The following CELF2 variants were observed in gnomAD, a reference collection of about 807,000 sequenced individuals.
CELF2 encodes CUG triplet repeat RNA-binding protein 2.
CELF2 carries 8 observed loss-of-function variants against 62.6 expected under a neutral mutation model. The ratio of observed to expected loss-of-function variants is 0.13; its 90% confidence interval spans 0.07 to 0.23. CELF2 has a LOEUF of 0.23. CELF2 is among the 10% of genes least tolerant of loss of function. The pLI, the probability that CELF2 is intolerant of heterozygous loss-of-function variation, is 1.00. For synonymous variants in CELF2, 258 were observed against 250.0 expected (o/e 1.03, Z -0.30); for missense variants, 333 against 671.0 (o/e 0.50, Z 5.56).
At chr10:10,715,845 T>C in the CELF2 span, among the ~76,000 whole-genome samples, 248 of 152,300 alleles carry the variant, frequency 1.6e-3, no homozygotes, top group African/African-American at 5.4e-3. Context: ...AACTGGTATA[T>C]CCTTTGCATT....
chr10:10,925,708 C>T (rs1441503458), intron 2 of CELF2, among the ~76,000 whole-genome samples: 1 of 152,142 alleles, frequency 6.6e-6, no homozygotes, highest in Non-Finnish European at 1.5e-5. Flanking sequence ...TGGGTAAGTA[C>T]AGGCCAGGGG....
chr10:10,543,689 A>C, the CELF2 span, among the ~76,000 whole-genome samples: 4 of 152,238 alleles, frequency 2.6e-5, no homozygotes. Context: ...TCTTCTAAAA[A>C]TACAAAACTT....
the CELF2 span, among the ~76,000 whole-genome samples, chr10:10,632,424 C>G: frequency 1.3e-5 from 2 of 152,106 alleles, no homozygotes; most frequent in Admixed American, 6.6e-5. Flanking sequence ...ATTTCATACA[C>G]ACACAAACAG....
the CELF2 span, among the ~76,000 whole-genome samples, chr10:10,593,560 C>T: frequency 6.6e-6 from 1 of 152,180 alleles, no homozygotes; most frequent in Non-Finnish European, 1.5e-5. Context: ...GAGAGAAGAC[C>T]TCAAGGGTGT....
At chr10:11,298,169 G>A (rs1489747699) in intron 9 of CELF2, among the ~76,000 whole-genome samples, 1 of 152,246 alleles carries the variant, frequency 6.6e-6, no homozygotes, top group East Asian at 1.9e-4. Flanking sequence ...GGGCTGGCTG[G>A]AGGGATGAGC....
Position 10,849,737 on chromosome 10 carries a change from G to A in CELF2, c.53+50920G>A, listed in dbSNP as rs187380924. Among the ~76,000 whole-genome samples, 61 of 152,116 alleles carry A rather than the reference G, an allele frequency of 4.0e-4. No individual in the cohort carries two copies. The Middle Eastern group carries it at 0.01, about 25-fold the overall frequency. On this transcript the variant is annotated intron_variant, in intron 1 of 13. Transcript: ENST00000636488. ...CGATAATGTGTTTTATCATACGTGT[G>A]TGTGTATATATTATGACCAAATAGT...
At chr10:10,741,037 G>T in the CELF2 span, among the ~76,000 whole-genome samples, 2 of 152,118 alleles carry the variant, frequency 1.3e-5, no homozygotes, top group Admixed American at 6.5e-5. Context: ...TAACAATACT[G>T]TATTGCATAC....
chr10:10,629,863 AAAAAAAAAAAAAAG>A, the CELF2 span, among the ~76,000 whole-genome samples: 3 of 72,578 alleles, frequency 4.1e-5, no homozygotes, highest in Non-Finnish European at 9.3e-5. Context: ...CTGAAGACCA[AAAAAAAAAAAAAAG>A]AAAAAAAAAA....
the CELF2 span, among the ~76,000 whole-genome samples, chr10:10,666,352 C>G: frequency 6.6e-6 from 1 of 152,090 alleles, no homozygotes; most frequent in African/African-American, 2.4e-5. Context: ...TGGGTTGGTG[C>G]CCAGCATAGC....
the CELF2 span, among the ~76,000 whole-genome samples, chr10:10,733,906 C>A: frequency 6.6e-6 from 1 of 152,080 alleles, no homozygotes; most frequent in Non-Finnish European, 1.5e-5. Flanking sequence ...AATTTAGCGA[C>A]CCTCTTTAAG....
At chr10:10,755,227 T>C in the CELF2 span, among the ~76,000 whole-genome samples, 28 of 152,334 alleles carry the variant, frequency 1.8e-4, no homozygotes, top group African/African-American at 6.7e-4. Context: ...CTCTTATTGT[T>C]TTACACCAGA....
the CELF2 span, among the ~76,000 whole-genome samples, chr10:10,483,937 G>A: frequency 6.7e-4 from 82 of 123,000 alleles, no homozygotes; most frequent in Non-Finnish European, 9.2e-4. Context: ...ACTCTCTCTC[G>A]TCTCTCTCTC....
intron 1 of CELF2, among the ~76,000 whole-genome samples, chr10:10,811,827 CTG>C (rs1177520044): frequency 6.6e-6 from 1 of 152,104 alleles, no homozygotes; most frequent in Non-Finnish European, 1.5e-5. Flanking sequence ...TGTGTTGAGT[CTG>C]TGGTTTTTAT....
intron 2 of CELF2, among the ~76,000 whole-genome samples, chr10:11,186,040 A>G (rs1188948284): frequency 1.3e-5 from 2 of 152,118 alleles, no homozygotes; most frequent in East Asian, 1.9e-4. Flanking sequence ...TAGGTTCTAT[A>G]TTTTTCTTTG....
chr10:10,615,617 G>A, the CELF2 span, among the ~76,000 whole-genome samples: 1 of 152,020 alleles, frequency 6.6e-6, no homozygotes, highest in East Asian at 1.9e-4. Flanking sequence ...TGGACCACGG[G>A]GGCAGATTTC....
At chr10:10,632,277 G>T in the CELF2 span, among the ~76,000 whole-genome samples, 13 of 152,160 alleles carry the variant, frequency 8.5e-5, no homozygotes. Context: ...AGCCAGAAGG[G>T]TGGCATGGGT....
chr10:10,728,628 G>A, the CELF2 span, among the ~76,000 whole-genome samples: 4 of 152,048 alleles, frequency 2.6e-5, no homozygotes, highest in African/African-American at 9.7e-5. Context: ...GAGGGTGGGG[G>A]ACAGCAGGAG....
the CELF2 span, among the ~76,000 whole-genome samples, chr10:10,567,009 T>G: frequency 1.3e-5 from 2 of 152,182 alleles, no homozygotes; most frequent in Non-Finnish European, 2.9e-5. Context: ...CATATTGAAG[T>G]ATTGCTCACA....
At chr10:10,651,514 C>G in the CELF2 span, among the ~76,000 whole-genome samples, 31 of 122,270 alleles carry the variant, frequency 2.5e-4, 2 homozygotes, top group South Asian at 2.1e-3. Context: ...CAGCACGCAG[C>G]TGGAGATCTG....
Sources: allele counts gnomAD v4.1 joint callset (sites outside exome capture counted in the v4.1 genomes callset), GRCh38; gene constraint gnomAD v4.1.1; transcripts MANE v1.5; gene names NCBI Gene and HGNC (gene_info 2026-07-23, HGNC 2026-07-21).